SCN11A: variants seen among roughly 807,000 people sequenced by gnomAD.
SCN11A encodes the protein sodium voltage-gated channel alpha subunit 11.
Under a neutral mutation model 162.2 loss-of-function variants are expected in SCN11A, and 122 were observed. The observed-to-expected ratio is 0.75, with a 90% confidence interval of 0.65 to 0.87. The LOEUF (loss-of-function observed/expected upper bound fraction) is 0.87, where lower values mean the gene tolerates loss of function less well. Among genes scored for constraint, SCN11A ranks in the 40% least tolerant of loss-of-function variants. SCN11A has a pLI of 0.00. For synonymous variants in SCN11A, 758 were observed against 751.5 expected (o/e 1.01, Z -0.14); for missense variants, 2,015 against 2,181.6 (o/e 0.92, Z 1.52).
intron 11 of SCN11A, among the ~76,000 whole-genome samples, chr3:38,912,830 T>G (rs1421415549): frequency 6.6e-6 from 1 of 152,242 alleles, no homozygotes; most frequent in Non-Finnish European, 1.5e-5. Context: ...TATGGCTGCA[T>G]AGTATTCCAT....
In SCN11A at chr3:38,910,193, T is replaced by C. The variant is rs542904299; in HGVS notation, c.974A>G (p.Gln325Arg). Residue 325 changes from glutamine (Q) to arginine (R), a missense_variant, in exon 12 of 30, where the codon CAA (glutamine) becomes CGA (arginine). By Grantham distance (43) the Gln-to-Arg change is conservative. Transcript: ENST00000302328. ...AATTTTGGTGTGCTTACATTCATATTGTATGGAACAGGCACTAGATATTGG... is the reference window on the plus strand; with the variant it reads ...AATTTTGGTGTGCTTACATTCATATCGTATGGAACAGGCACTAGATATTGG... ...IWMGNSACSI[Q>R]YECKHTKINP... 1 of 1,613,116 alleles carries C rather than the reference T, an allele frequency of 6.2e-7. No individual in the cohort carries two copies. Among genetic ancestry groups the C allele is most frequent in the Admixed American group, 1.7e-5 (1 of 59,898 alleles).
chr3:38,960,795 T>C (rs374659268), intron 2 of SCN11A, among the ~76,000 whole-genome samples: 17 of 152,292 alleles, frequency 1.1e-4, no homozygotes, highest in Middle Eastern at 3.4e-3. Flanking sequence ...AGGGTGTCCA[T>C]TTGGCATCTC....
At chr3:38,905,550 A>G (rs2065780140) in intron 14 of SCN11A, among the ~76,000 whole-genome samples, 2 of 152,250 alleles carry the variant, frequency 1.3e-5, no homozygotes, top group Non-Finnish European at 1.5e-5. Flanking sequence ...GCACATTTCT[A>G]GAGTCCTACC....
intron 1 of SCN11A, among the ~76,000 whole-genome samples, chr3:39,034,487 T>C (rs1465631126): frequency 1.3e-5 from 2 of 152,180 alleles, no homozygotes; most frequent in African/African-American, 4.8e-5. Flanking sequence ...ACAACAGACC[T>C]ATGTCAGTAT....
At chr3:39,001,393 T>C (rs1176995755) in intron 2 of SCN11A, among the ~76,000 whole-genome samples, 1 of 152,246 alleles carries the variant, frequency 6.6e-6, no homozygotes, top group Non-Finnish European at 1.5e-5. Context: ...TCTTTTGGCT[T>C]CTTTCACTCA....
intron 2 of SCN11A, among the ~76,000 whole-genome samples, chr3:38,962,778 G>A (rs894280521): frequency 7.9e-5 from 12 of 152,054 alleles, no homozygotes; most frequent in Non-Finnish European, 1.3e-4. Context: ...AACCCAGGGA[G>A]CGGAGGTTGC....
intron 4 of SCN11A, among the ~76,000 whole-genome samples, chr3:38,951,514 C>A (rs936514916): frequency 7.2e-5 from 11 of 152,244 alleles, no homozygotes; most frequent in African/African-American, 2.4e-4. Context: ...TCCCATCGAC[C>A]GCCCAAGGGC....
chr3:38,908,024 CCTTTT>C lies in SCN11A; in HGVS notation c.1393_1397del (p.Lys465GlufsTer19). The C allele has an allele frequency of 6.2e-7, 1 of 1,613,652 alleles. No individual in the cohort carries two copies. Among genetic ancestry groups the C allele is most frequent in the South Asian group, 1.1e-5 (1 of 90,904 alleles). The stretch of plus-strand genomic sequence containing the variant: ...CAGACTCTCTCAAAAAGAAGGACTT[CCTTTT>C]CTTATTACCAAAGAGCTTTCTCTTT... On this transcript the variant is annotated frameshift_variant, in exon 14 of 30. Coordinates refer to ENST00000302328, the MANE Select transcript of SCN11A (RefSeq NM_001349253.2). LOFTEE classifies it high-confidence loss of function.
chr3:39,023,588 A>C (rs993786141), intron 2 of SCN11A, among the ~76,000 whole-genome samples: 2 of 152,134 alleles, frequency 1.3e-5, no homozygotes, highest in South Asian at 2.1e-4. Flanking sequence ...AAAATCAAGC[A>C]GAATATAAAG....
chr3:38,892,186 G>T (rs1307772322), intron 19 of SCN11A, among the ~76,000 whole-genome samples: 1 of 152,064 alleles, frequency 6.6e-6, no homozygotes, highest in Non-Finnish European at 1.5e-5. Flanking sequence ...ATCTAGTGAG[G>T]CTATCTTTCA....
intron 1 of SCN11A, among the ~76,000 whole-genome samples, chr3:39,045,602 G>A (rs114990519): frequency 0.035 from 5,371 of 152,150 alleles, 301 homozygotes; most frequent in African/African-American, 0.12. Context: ...ATCCTTTCAT[G>A]ATAAAAACTC....
In SCN11A at chr3:38,885,378, A is replaced by C; in HGVS notation, c.2974T>G (p.Ser992Ala). The change falls in exon 21 of 30, where the codon TCA becomes GCA. Residue 992 changes from serine (S) to alanine (A), a missense_variant. Transcript: ENST00000302328. ...RKKSDVTSIL[S>A]ECSTIDLQDG... is the part of the protein sequence containing the mutation. ...TGAAGATCAATGGTGCTACATTCTGATAGTATACTGGTAACATCAGACTTC... is the reference window on the plus strand; with the variant it reads ...TGAAGATCAATGGTGCTACATTCTGCTAGTATACTGGTAACATCAGACTTC... 1 of 1,610,556 alleles carries C rather than the reference A, an allele frequency of 6.2e-7. No individual in the cohort carries two copies. Among genetic ancestry groups the C allele is most frequent in the Non-Finnish European group, 8.5e-7 (1 of 1,176,734 alleles).
At chr3:38,905,440 T>G (rs758207695) in intron 14 of SCN11A, 119 bp from the exon 15 acceptor site, 1 of 1,132,770 alleles carries the variant, frequency 8.8e-7, no homozygotes, top group Non-Finnish European at 1.2e-6. Context: ...TCTATAGGTC[T>G]ACTCACCTCG....
Position 38,871,616 on chromosome 3 carries a change from T to A in SCN11A, c.3588A>T (p.Gly1196=). 1 of 1,612,296 alleles carries A rather than the reference T, an allele frequency of 6.2e-7. No homozygotes were observed. The part of the protein sequence containing the change: ...LIFWLVFCIL[G]VYFFSGKFGK... ...CAAATTTTCCAGAAAAGAAGTATAC[T>A]CCCAGAATACAAAATACGAGCCAGA... The change falls in exon 25 of 30, where the codon GGA becomes GGT. Residue 1196 remains glycine (G), a synonymous_variant. Transcript: ENST00000302328.
chr3:38,962,636 A>C (rs1312148979), intron 2 of SCN11A, among the ~76,000 whole-genome samples: 3 of 152,058 alleles, frequency 2.0e-5, no homozygotes, highest in African/African-American at 7.2e-5. Flanking sequence ...GGATCACCTG[A>C]AGTCAGGAGT....
chr3:38,880,164 T>A, intron 22 of SCN11A, 41 bp from the exon 23 acceptor site: 1 of 1,424,502 alleles, frequency 7.0e-7, no homozygotes, highest in Non-Finnish European at 9.6e-7. Context: ...GTTGAATATT[T>A]GCAAAGAACT....
At chr3:38,880,453 T>A (rs147592078) in intron 22 of SCN11A, among the ~76,000 whole-genome samples, 1 of 152,174 alleles carries the variant, frequency 6.6e-6, no homozygotes, top group South Asian at 2.1e-4. Context: ...CTGCCAAATA[T>A]GTCTTGCCAA....
chr3:38,982,707 T>A (rs936136633), intron 2 of SCN11A, among the ~76,000 whole-genome samples: 4 of 152,130 alleles, frequency 2.6e-5, no homozygotes, highest in Non-Finnish European at 4.4e-5. Flanking sequence ...AAATGTGTCA[T>A]GCTACACAGT....
chr3:38,909,318 T>C, intron 12 of SCN11A, 124 bp from the exon 13 acceptor site: 1 of 793,146 alleles, frequency 1.3e-6, no homozygotes, highest in South Asian at 1.7e-5. Context: ...TGGGCTCAGT[T>C]GACCACAGAC....
Sources: gnomAD v4.1 joint callset for allele counts (sites outside exome capture counted in the v4.1 genomes callset) on GRCh38, gnomAD v4.1.1 for gene constraint, MANE v1.5 for transcripts, NCBI Gene and HGNC (gene_info 2026-07-23, HGNC 2026-07-21) for gene names.